The following CNKSR2 variants were observed in gnomAD, a reference collection of about 807,000 sequenced individuals.
CNKSR2 encodes the protein CNK homolog protein 2.
Under a neutral mutation model 84.4 loss-of-function variants are expected in CNKSR2, and 14 were observed. The ratio of observed to expected loss-of-function variants is 0.17; its 90% CI spans 0.11 to 0.26. The LOEUF (loss-of-function observed/expected upper bound fraction) is 0.26, where lower values mean the gene tolerates loss of function less well. Ranked by LOEUF, CNKSR2 falls within the 10% of genes least tolerant of loss-of-function variation. CNKSR2 has a pLI of 1.00. For missense variants in CNKSR2, 485 were observed against 771.2 expected (o/e 0.63, Z 4.40); for synonymous variants, 275 against 277.9 (o/e 0.99, Z 0.10).
intron 11 of CNKSR2, among the ~76,000 whole-genome samples, chrX:21,544,813 G>T (rs1339574503): frequency 9.0e-6 from 1 of 111,191 alleles, no homozygotes; most frequent in East Asian, 2.9e-4. Context: ...CCTAGCCAAG[G>T]GAAGCCATGA....
intron 13 of CNKSR2, among the ~76,000 whole-genome samples, chrX:21,574,908 A>G (rs1228581953): frequency 8.9e-6 from 1 of 112,066 alleles, no homozygotes; most frequent in Non-Finnish European, 1.9e-5. Flanking sequence ...AGACTTCATC[A>G]CTATCAATTT....
intron 4 of CNKSR2, among the ~76,000 whole-genome samples, chrX:21,445,023 A>C (rs1437948970): frequency 9.0e-6 from 1 of 111,349 alleles, no homozygotes; most frequent in Non-Finnish European, 1.9e-5. Context: ...TTCATATGGT[A>C]AGTGTTGAAA....
chrX:21,497,886 C>T (rs955181209), intron 7 of CNKSR2, 40 bp downstream of exon 7: 5 of 624,891 alleles, frequency 8.0e-6, no homozygotes, highest in Non-Finnish European at 1.4e-5. Context: ...GTGTGTTTTT[C>T]CCTTTTATTG....
chrX:21,652,727 C>T lies in CNKSR2; in HGVS notation c.*206C>T. Reference sequence around the variant, plus strand: ...TGCAACAGTGCTCAGCTTATGTTTACCATGTGCAAAATCAACTGTCTTTAA... The same window carrying T: ...TGCAACAGTGCTCAGCTTATGTTTATCATGTGCAAAATCAACTGTCTTTAA... On this transcript the variant is annotated 3_prime_UTR_variant, in exon 22 of 22. Coordinates refer to ENST00000379510, the MANE Select transcript of CNKSR2 (RefSeq NM_014927.5). 1 of 353,273 alleles carries T rather than the reference C, an allele frequency of 2.8e-6. No individual in the cohort carries two copies. 29.1% of individuals were successfully genotyped at this position (353,273 alleles called of 1,213,427 possible).
intron 20 of CNKSR2, 64 bp from the exon 21 acceptor site, chrX:21,648,767 T>C (rs2092712578): frequency 4.3e-6 from 4 of 933,481 alleles, no homozygotes; most frequent in Non-Finnish European, 4.3e-6. Flanking sequence ...AATTCATTTC[T>C]CTTTCTCTCT....
At chrX:21,586,183 A>G (rs1237602322) in intron 13 of CNKSR2, among the ~76,000 whole-genome samples, 2 of 111,514 alleles carry the variant, frequency 1.8e-5, no homozygotes, top group Non-Finnish European at 3.8e-5. Flanking sequence ...CAGAGAACCA[A>G]TGGACCTCAG....
chrX:21,567,362 A>G (rs975391278), intron 13 of CNKSR2, among the ~76,000 whole-genome samples: 1 of 112,080 alleles, frequency 8.9e-6, no homozygotes, highest in African/African-American at 3.2e-5. Context: ...GTACAAATGT[A>G]GTACCTTATA....
intron 6 of CNKSR2, chrX:21,491,467 G>A (rs2091441871): frequency 8.9e-6 from 1 of 111,932 alleles, no homozygotes; most frequent in Non-Finnish European, 1.9e-5. Context: ...CTTTTTCTGT[G>A]GCTTTTCTTT....
At chrX:21,520,170 G>T (rs1253572229) in intron 9 of CNKSR2, among the ~76,000 whole-genome samples, 2 of 111,081 alleles carry the variant, frequency 1.8e-5, no homozygotes, top group African/African-American at 3.3e-5. Flanking sequence ...CATTAAATTG[G>T]CAGCTCTTTT....
intron 1 of CNKSR2, among the ~76,000 whole-genome samples, chrX:21,406,679 T>C (rs1351211409): frequency 9.0e-6 from 1 of 111,437 alleles, no homozygotes. Context: ...CCAAAAAGTA[T>C]TCCATAAAGT....
intron 7 of CNKSR2, among the ~76,000 whole-genome samples, chrX:21,500,153 A>G (rs758850539): frequency 3.3e-4 from 37 of 110,727 alleles, no homozygotes; most frequent in African/African-American, 1.0e-3. Context: ...AGAGTTTTTT[A>G]TTGTAGATTG....
chrX:21,460,452 A>G (rs773126766), intron 4 of CNKSR2, among the ~76,000 whole-genome samples: 10 of 111,841 alleles, frequency 8.9e-5, no homozygotes, highest in Non-Finnish European at 1.7e-4. Context: ...TATGGAATAC[A>G]TGAGATGTTT....
chrX:21,448,052 G>C, intron 4 of CNKSR2, among the ~76,000 whole-genome samples: 1 of 111,453 alleles, frequency 9.0e-6, no homozygotes, highest in South Asian at 3.8e-4. Context: ...ATGTAATTAA[G>C]AACAGTGTTT....
intron 15 of CNKSR2, chrX:21,594,570 C>T (rs1033921964): frequency 8.9e-6 from 1 of 112,674 alleles, no homozygotes; most frequent in Admixed American, 9.5e-5. Flanking sequence ...CAGTGAACAT[C>T]CCTATATTTT....
rs2092124338 is a variant in CNKSR2, at chrX:21,554,823, A to G, written c.1304-6648A>G. Among the ~76,000 whole-genome samples, 3 of 111,298 alleles carry G rather than the reference A, an allele frequency of 2.7e-5. No homozygotes were observed. The South Asian group carries it at 1.1e-3, about 42-fold the overall frequency. ...ATGCATATGTCTTTATAATAGAATG[A>G]CTTCTATTCCTGTGGGTATATACCC... On this transcript the variant is annotated intron_variant, in intron 11 of 21. Coordinates refer to ENST00000379510, the MANE Select transcript of CNKSR2 (RefSeq NM_014927.5).
intron 9 of CNKSR2, among the ~76,000 whole-genome samples, chrX:21,518,197 A>T (rs7879291): frequency 9.1e-6 from 1 of 110,283 alleles, no homozygotes; most frequent in African/African-American, 3.3e-5. Context: ...CCATTACATT[A>T]TTTTTTTTCA....
At chrX:21,508,266 G>GT (rs2091634744) in intron 8 of CNKSR2, among the ~76,000 whole-genome samples, 1 of 112,294 alleles carries the variant, frequency 8.9e-6, no homozygotes, top group African/African-American at 3.2e-5. Context: ...GAAATTCAAG[G>GT]TTGCAGAGGG....
chrX:21,459,026 T>C (rs1695637457), intron 4 of CNKSR2, among the ~76,000 whole-genome samples: 1 of 103,084 alleles, frequency 9.7e-6, no homozygotes, highest in African/African-American at 3.6e-5. Flanking sequence ...TCCTTTTTTT[T>C]TTTTTTTTTT....
chrX:21,611,618 T>C (rs1285604613), intron 20 of CNKSR2, among the ~76,000 whole-genome samples: 2 of 111,997 alleles, frequency 1.8e-5, no homozygotes, highest in African/African-American at 6.5e-5. Flanking sequence ...TAGATTATCT[T>C]TTTTGTTGTT....
Sources: gnomAD v4.1 joint callset for allele counts (sites outside exome capture counted in the v4.1 genomes callset) on GRCh38, gnomAD v4.1.1 for gene constraint, MANE v1.5 for transcripts, NCBI Gene and HGNC (gene_info 2026-07-23, HGNC 2026-07-21) for gene names.